BDP1: variants seen among roughly 807,000 people sequenced by gnomAD.
The protein encoded by BDP1 is BDP1 general transcription factor IIIB subunit, also known as transcription factor TFIIIB component B'' homolog.
In BDP1, 169 loss-of-function variants were observed where a neutral mutation model predicts 266.6. That is an observed-to-expected ratio of 0.63 (90% CI 0.56 to 0.72). The LOEUF (loss-of-function observed/expected upper bound fraction) is 0.72, where lower values mean the gene tolerates loss of function less well. Among genes scored for constraint, BDP1 ranks in the 30% least tolerant of loss-of-function variants. The pLI is 0.00. For synonymous variants in BDP1, 1,090 were observed against 1,022.4 expected, an observed-to-expected ratio of 1.07 and a Z score of -1.26; for missense variants, 3,015 against 3,053.8, an observed-to-expected ratio of 0.99 and a Z score of 0.30.
intron 34 of BDP1, among the ~76,000 whole-genome samples, chr5:71,549,829 ATTAAG>A (rs1446046207): frequency 2.0e-5 from 3 of 152,232 alleles, no homozygotes; most frequent in African/African-American, 7.2e-5. Context: ...AAACTTGTTT[ATTAAG>A]TTATTTTGAA....
chr5:71,574,355 A>AC, the BDP1 span, among the ~76,000 whole-genome samples: 3 of 152,154 alleles, frequency 2.0e-5, no homozygotes, highest in African/African-American at 7.2e-5. Context: ...TCAGAATGGC[A>AC]CCCCCCTGTC....
chr5:71,532,585 A>C (rs538649002), intron 26 of BDP1, among the ~76,000 whole-genome samples, 158 bp downstream of exon 26: 3 of 136,132 alleles, frequency 2.2e-5, no homozygotes, highest in Non-Finnish European at 5.0e-5. Context: ...TAGTGAAAGC[A>C]ATGATTTTGT....
chr5:71,560,281 A>C, intron 37 of BDP1, 44 bp downstream of exon 37: 1 of 1,584,014 alleles, frequency 6.3e-7, no homozygotes, highest in Non-Finnish European at 8.6e-7. Flanking sequence ...TCTCTGTCTT[A>C]ATAAATATAA....
chr5:71,486,175 T>C (rs919475845), intron 8 of BDP1, among the ~76,000 whole-genome samples: 5 of 152,220 alleles, frequency 3.3e-5, no homozygotes, highest in Admixed American at 6.5e-5. Flanking sequence ...ATCAGTAGTT[T>C]GTTCCTTTTG....
chr5:71,492,557 G>A (rs1763655817), intron 11 of BDP1, among the ~76,000 whole-genome samples: 1 of 152,014 alleles, frequency 6.6e-6, no homozygotes, highest in Admixed American at 6.6e-5. Context: ...TGTCTATTCA[G>A]GTCCTGTGCC....
intron 18 of BDP1, 105 bp from the exon 19 acceptor site, chr5:71,513,080 A>T (rs1158780118): frequency 1.4e-6 from 1 of 722,812 alleles, no homozygotes; most frequent in Non-Finnish European, 2.2e-6. Flanking sequence ...AAAAAAAAAA[A>T]AAAAAAAATT....
At chr5:71,558,642 A>G (rs569808128) in intron 36 of BDP1, among the ~76,000 whole-genome samples, 1 of 152,090 alleles carries the variant, frequency 6.6e-6, no homozygotes, top group African/African-American at 2.4e-5. Context: ...CCTGGCCAAC[A>G]TGGCGAAGCC....
chr5:71,567,068 G>A lies in BDP1; in HGVS notation c.*2183G>A, dbSNP rs576685305. 1.3e-5 allele frequency: 2 copies of A among 152,262 alleles called. No individual in the cohort carries two copies. The highest frequency in any genetic ancestry group is 4.1e-4 in the South Asian group (2 of 4,824). 9.4% of individuals were successfully genotyped at this position (152,262 alleles called of 1,614,324 possible). A position where few individuals can be genotyped will look rare whatever the true frequency, so the allele number is the denominator to read the frequency against. Reference sequence around the variant, plus strand: ...AATTCGGAGCGGAAATTGTCTATAAGTAGGCATTTATTTCATGATTGATAT... The same window carrying A: ...AATTCGGAGCGGAAATTGTCTATAAATAGGCATTTATTTCATGATTGATAT... On this transcript the variant is annotated 3_prime_UTR_variant, in exon 39 of 39. Transcript: ENST00000358731.
rs1217889397 is a variant in BDP1, at chr5:71,486,631, T to C, written c.1213+4T>C. On this transcript the variant is annotated splice_donor_region_variant and intron_variant, in intron 9 of 38. Transcript: ENST00000358731. The stretch of plus-strand genomic sequence containing the variant: ...AAACCACGGAAAAATGTAAAAGGTA[T>C]TGATTTTAAAAGGAAGTGTGATAGT... The C allele has an allele frequency of 2.0e-6, 3 of 1,511,650 alleles. No homozygotes were observed. The highest frequency in any genetic ancestry group is 2.7e-5 in the South Asian group (2 of 73,764). 93.6% of individuals were successfully genotyped at this position (1,511,650 alleles called of 1,614,324 possible).
chr5:71,577,676 A>G, the BDP1 span, among the ~76,000 whole-genome samples: 1 of 152,260 alleles, frequency 6.6e-6, no homozygotes, highest in Non-Finnish European at 1.5e-5. Flanking sequence ...AAATAAACAA[A>G]TTCCAGAGTT....
intron 26 of BDP1, among the ~76,000 whole-genome samples, chr5:71,532,868 T>C (rs1766338917): frequency 6.6e-6 from 1 of 152,202 alleles, no homozygotes; most frequent in African/African-American, 2.4e-5. Context: ...GCAAACATTA[T>C]CACAGTCAAT....
chr5:71,553,768 C>T (rs1743022311), intron 35 of BDP1, among the ~76,000 whole-genome samples: 1 of 152,164 alleles, frequency 6.6e-6, no homozygotes, highest in African/African-American at 2.4e-5. Context: ...TTTAGTGCCC[C>T]ACATTGTCTT....
rs753064116 is a variant in BDP1, at chr5:71,510,652, G to C, written c.3560G>C (p.Arg1187Pro). The C allele has an allele frequency of 1.3e-6, 2 of 1,584,868 alleles. No individual in the cohort carries two copies. The highest frequency in any genetic ancestry group is 2.2e-5 in the South Asian group (2 of 89,078). Residue 1187 changes from arginine (R) to proline (P), a missense_variant, in exon 17 of 39, where the codon CGA becomes CCA. Coordinates refer to ENST00000358731, the MANE Select transcript of BDP1 (RefSeq NM_018429.3). The part of the protein sequence containing the change: ...GREGSSREKT[R>P]EVIDAAEVIE... ...GAGGGTTCCTCAAGGGAGAAGACACGAGAGGTGATTGATGCTGCTGAGGTA... is the reference window on the plus strand; with the variant it reads ...GAGGGTTCCTCAAGGGAGAAGACACCAGAGGTGATTGATGCTGCTGAGGTA...
intron 11 of BDP1, among the ~76,000 whole-genome samples, chr5:71,493,528 A>G (rs913123714): frequency 6.6e-6 from 1 of 152,204 alleles, no homozygotes; most frequent in African/African-American, 2.4e-5. Context: ...GTCTGGCCCT[A>G]GCTTTTTCTA....
At chr5:71,485,061 T>C (rs1473625926) in intron 8 of BDP1, among the ~76,000 whole-genome samples, 1 of 152,212 alleles carries the variant, frequency 6.6e-6, no homozygotes, top group African/African-American at 2.4e-5. Flanking sequence ...GTGTAACACA[T>C]TATAGTCAGA....
intron 7 of BDP1, among the ~76,000 whole-genome samples, chr5:71,471,348 G>C (rs1762238829): frequency 6.6e-6 from 1 of 151,978 alleles, no homozygotes; most frequent in South Asian, 2.1e-4. Flanking sequence ...TACCATGTTC[G>C]TCAGCCTGGT....
At chr5:71,553,022 T>C in intron 34 of BDP1, 94 bp from the exon 35 acceptor site, 5 of 1,086,778 alleles carry the variant, frequency 4.6e-6, no homozygotes, top group Non-Finnish European at 5.2e-6. Flanking sequence ...AGCCTTTAAC[T>C]TTATTATTGG....
At position 71,562,350 on chromosome 5, in the gene BDP1, G is replaced by C. The variant is rs568058725; in HGVS notation, c.7573G>C (p.Val2525Leu). The C allele has an allele frequency of 1.1e-5, 18 of 1,613,372 alleles. No individual in the cohort carries two copies. Among genetic ancestry groups the C allele is most frequent in the Non-Finnish European group, 1.4e-5 (17 of 1,179,518 alleles). The change falls in exon 38 of 39, where the codon GTC (valine) becomes CTC (leucine). Residue 2525 changes from valine (V) to leucine (L), a missense_variant. Physicochemically the swap from Val to Leu is conservative, Grantham distance 32. This residue lies in a region of BDP1 where 629 missense variants were observed against 632.5 expected (regional missense o/e 0.99). Transcript: ENST00000358731. ...NSLESDEPMQ[V>L]HSKKRLKPLI... Reference sequence around the variant, plus strand: ...TTTGGAGTCTGATGAACCTATGCAAGTCCATAGTAAGAAACGCCTAAAACC... The same window carrying C: ...TTTGGAGTCTGATGAACCTATGCAACTCCATAGTAAGAAACGCCTAAAACC...
chr5:71,463,002 G>A (rs190894867), intron 3 of BDP1, among the ~76,000 whole-genome samples: 13 of 152,032 alleles, frequency 8.6e-5, no homozygotes, highest in African/African-American at 2.9e-4. Flanking sequence ...GCATTGTGGC[G>A]CACAGGAGGC....
Sources: gnomAD v4.1 joint callset for allele counts (sites outside exome capture counted in the v4.1 genomes callset) on GRCh38, gnomAD v4.1.1 for gene constraint, gnomAD v4.1.1 regional missense constraint, MANE v1.5 for transcripts, NCBI Gene and HGNC (gene_info 2026-07-23, HGNC 2026-07-21) for gene names.